Variants in SPTSSB observed in about 807,000 individuals in gnomAD.
SPTSSB encodes serine palmitoyltransferase small subunit B, also known as androgen down regulated in mouse prostate.
Under a neutral mutation model 7.7 loss-of-function variants are expected in SPTSSB, and 6 were observed. The ratio of observed to expected loss-of-function variants is 0.78; its 90% CI spans 0.43 to 1.54. The LOEUF (loss-of-function observed/expected upper bound fraction) is 1.54. Among genes scored for constraint, SPTSSB ranks in the 40% most tolerant of loss-of-function variants. The pLI is 0.01. For missense variants in SPTSSB, 91 were observed against 93.0 expected (o/e 0.98, Z 0.09); for synonymous variants, 28 against 29.7 (o/e 0.94, Z 0.19).
chr3:161,362,409 A>C (rs1715050646), intron 1 of SPTSSB, among the ~76,000 whole-genome samples: 1 of 152,130 alleles, frequency 6.6e-6, no homozygotes. Context: ...TTTGGTAAAG[A>C]GTTCACATCA....
intron 2 of SPTSSB, among the ~76,000 whole-genome samples, chr3:161,358,246 T>C (rs1201200817): frequency 1.3e-5 from 2 of 152,032 alleles, no homozygotes; most frequent in Admixed American, 1.3e-4. Flanking sequence ...ATTATCCCTG[T>C]TTTAAAGATA....
At chr3:161,353,056 CTCTT>C (rs756107748) in intron 2 of SPTSSB, among the ~76,000 whole-genome samples, 91 of 152,202 alleles carry the variant, frequency 6.0e-4, no homozygotes, top group Non-Finnish European at 1.1e-3. Flanking sequence ...CTCTTTTCCT[CTCTT>C]TCTATTTATT....
chr3:161,369,291 TTTCTTTCTTTCTTTCTTTCTTTCTC>T lies in SPTSSB; in HGVS notation c.-126+2119_-126+2143del, dbSNP rs1715366861. 5.4e-5 allele frequency among the ~76,000 whole-genome samples: 4 copies of T among 73,680 alleles called. No individual in the cohort carries two copies. In the East Asian group the frequency reaches 1.8e-3, roughly 32 times the overall value. 48.3% of individuals were successfully genotyped at this position (73,680 alleles called of 152,430 possible). A position where few individuals can be genotyped will look rare whatever the true frequency, so the allele number is the denominator to read the frequency against. Reference sequence around the variant, plus strand: ...TTCTTTTTCTTCTTTCTTTCTTTTCTTTCTTTCTTTCTTTCTTTCTTTCTCTTTCTTTCTTTCTTTCTTTCTTTCT... The same window carrying T: ...TTCTTTTTCTTCTTTCTTTCTTTTCTTTTCTTTCTTTCTTTCTTTCTTTCT... On this transcript the variant is annotated intron_variant, in intron 1 of 2. Coordinates refer to ENST00000620149, the MANE Select transcript of SPTSSB (RefSeq NM_001040100.2).
Position 161,371,397 on chromosome 3 carries a change from A to G in SPTSSB, c.-126+38T>C, listed in dbSNP as rs2306209. ...ACAGGAATTCTATCCTACTAAAGCT[A>G]CTTAACAGTTCAAGTAGGTATTTTG... On this transcript the variant is annotated intron_variant, in intron 1 of 2. Transcript: ENST00000620149. 11,705 of 981,516 alleles carry G rather than the reference A, an allele frequency of 0.012. 813 individuals are homozygous for G. In the African/African-American group the frequency reaches 0.16, roughly 13 times the overall value. The allele number at this position is 981,516 out of a possible 1,614,324, so 60.8% of individuals were successfully genotyped here.
rs564587183 is a variant in SPTSSB at position 161,353,581 on chromosome 3, T to C, written c.-33+6221A>G. Among the ~76,000 whole-genome samples the C allele has an allele frequency of 6.7e-4, 102 of 152,244 alleles. 5 individuals carry two copies. In the South Asian group the frequency reaches 0.021, roughly 31 times the overall value. On this transcript the variant is annotated intron_variant, in intron 2 of 2. Coordinates refer to ENST00000620149, the MANE Select transcript of SPTSSB (RefSeq NM_001040100.2). ...GCTGTGCACTGCACAACCAATGTGA[T>C]TGTTCTTGTCTCGGGGGCCTAATCA...
intron 2 of SPTSSB, among the ~76,000 whole-genome samples, chr3:161,351,014 A>C (rs1304412460): frequency 6.6e-6 from 1 of 152,276 alleles, no homozygotes; most frequent in South Asian, 2.1e-4. Flanking sequence ...ATACCTGACC[A>C]GTACTCCCCA....
chr3:161,365,210 T>C (rs1715168012), intron 1 of SPTSSB, among the ~76,000 whole-genome samples: 2 of 152,252 alleles, frequency 1.3e-5, no homozygotes, highest in Admixed American at 6.5e-5. Flanking sequence ...GATGCACTAC[T>C]TGTATACCTG....
At chr3:161,362,554 T>G (rs1715054734) in intron 1 of SPTSSB, among the ~76,000 whole-genome samples, 1 of 152,166 alleles carries the variant, frequency 6.6e-6, no homozygotes, top group African/African-American at 2.4e-5. Flanking sequence ...TTTGATTCTA[T>G]AAACAAGAAA....
chr3:161,350,839 G>A (rs188215489), intron 2 of SPTSSB, among the ~76,000 whole-genome samples: 84 of 152,182 alleles, frequency 5.5e-4, no homozygotes, highest in African/African-American at 1.8e-3. Flanking sequence ...GGCCAACATC[G>A]ATCATTATTA....
At position 161,371,494 on chromosome 3, in the gene SPTSSB, C is replaced by A; in HGVS notation, c.-185G>T. 1.0e-6 allele frequency: 1 copy of A among 985,542 alleles called. No homozygotes were observed. The highest frequency in any genetic ancestry group is 1.2e-6 in the Non-Finnish European group (1 of 830,014). 61.0% of individuals were successfully genotyped at this position (985,542 alleles called of 1,614,324 possible). A position where few individuals can be genotyped will look rare whatever the true frequency, so the allele number is the denominator to read the frequency against. ...GAGCGCCGAGGCTTTGGCTCCTCCCCAGCTGCTGCGAGCTTCCCACTGCGC... is the reference window on the plus strand; with the variant it reads ...GAGCGCCGAGGCTTTGGCTCCTCCCAAGCTGCTGCGAGCTTCCCACTGCGC... On this transcript the variant is annotated 5_prime_UTR_variant, in exon 1 of 3. Transcript: ENST00000620149.
intron 1 of SPTSSB, among the ~76,000 whole-genome samples, chr3:161,370,416 A>G (rs1477009434): frequency 2.0e-5 from 3 of 152,220 alleles, no homozygotes; most frequent in Non-Finnish European, 2.9e-5. Flanking sequence ...CTAGTTATCT[A>G]TGTACAAAGC....
intron 2 of SPTSSB, among the ~76,000 whole-genome samples, chr3:161,356,044 C>T (rs1194225065): frequency 1.3e-5 from 2 of 152,158 alleles, no homozygotes; most frequent in Non-Finnish European, 2.9e-5. Flanking sequence ...CAAATAACCC[C>T]AAAGGTCTTC....
At chr3:161,361,895 T>C (rs764246562) in intron 1 of SPTSSB, among the ~76,000 whole-genome samples, 8 of 152,146 alleles carry the variant, frequency 5.3e-5, no homozygotes, top group East Asian at 3.8e-4. Context: ...TGTATTTGCA[T>C]TGATGCTTGT....
chr3:161,371,272 T>C (rs1359040372), intron 1 of SPTSSB, among the ~76,000 whole-genome samples, 163 bp downstream of exon 1: 1 of 152,212 alleles, frequency 6.6e-6, no homozygotes, highest in African/African-American at 2.4e-5. Flanking sequence ...TAGTGAAAGG[T>C]AAATGGAAAA....
rs183334362 is a variant in SPTSSB at position 161,346,345 on chromosome 3, G to A, written c.-22C>T. 3.3e-6 allele frequency: 5 copies of A among 1,529,284 alleles called. No individual in the cohort carries two copies. The highest frequency in any genetic ancestry group is 3.3e-5 in the Admixed American group (2 of 59,894). 94.7% of individuals were successfully genotyped at this position (1,529,284 alleles called of 1,614,324 possible). A position where few individuals can be genotyped will look rare whatever the true frequency, so the allele number is the denominator to read the frequency against. On this transcript the variant is annotated 5_prime_UTR_variant, in exon 3 of 3. Transcript: ENST00000620149. ...CCATGGTTGGCTCCTTCAAGCTGCA[G>A]TAAGTTTGTCCTGTTAAAGAATGTA...
chr3:161,346,771 A>G (rs1057347411), intron 2 of SPTSSB, among the ~76,000 whole-genome samples: 5 of 152,168 alleles, frequency 3.3e-5, no homozygotes, highest in Non-Finnish European at 7.3e-5. Flanking sequence ...TATGAGTCAA[A>G]TGGATAGAAT....
chr3:161,368,651 C>G (rs112805131), intron 1 of SPTSSB, among the ~76,000 whole-genome samples: 1 of 152,082 alleles, frequency 6.6e-6, no homozygotes, highest in African/African-American at 2.4e-5. Flanking sequence ...TGGTCTCGAT[C>G]TCCTGACCTC....
intron 2 of SPTSSB, among the ~76,000 whole-genome samples, chr3:161,355,013 T>TAGGAAGAG (rs1243041393): frequency 6.6e-6 from 1 of 152,064 alleles, no homozygotes; most frequent in African/African-American, 2.4e-5. Flanking sequence ...ATATTAGGAG[T>TAGGAAGAG]AGGAAGAGAA....
intron 2 of SPTSSB, among the ~76,000 whole-genome samples, chr3:161,348,650 T>A (rs1714372739): frequency 6.6e-6 from 1 of 152,246 alleles, no homozygotes; most frequent in African/African-American, 2.4e-5. Flanking sequence ...CTGGCTGTTT[T>A]AAATATACTT....
Sources: gnomAD v4.1 joint callset for allele counts (sites outside exome capture counted in the v4.1 genomes callset) on GRCh38, gnomAD v4.1.1 for gene constraint, MANE v1.5 for transcripts, NCBI Gene and HGNC (gene_info 2026-07-23, HGNC 2026-07-21) for gene names.